The following ZFP90 variants were observed in gnomAD, a reference collection of about 807,000 sequenced individuals.
ZFP90 encodes the protein zinc finger protein 90 homolog.
Under a neutral mutation model 60.8 loss-of-function variants are expected in ZFP90, and 38 were observed. That is an observed-to-expected ratio of 0.62 (90% CI 0.48 to 0.82). The LOEUF is 0.82. Ranked by LOEUF, ZFP90 falls within the 40% of genes least tolerant of loss-of-function variation. ZFP90 has a pLI of 0.00. For missense variants in ZFP90, 711 were observed against 759.1 expected (o/e 0.94, Z 0.74); for synonymous variants, 287 against 264.8 (o/e 1.08, Z -0.82).
intron 4 of ZFP90, among the ~76,000 whole-genome samples, chr16:68,561,133 A>G (rs965749696): frequency 1.7e-4 from 25 of 149,482 alleles, no homozygotes; most frequent in African/African-American, 5.9e-4. Flanking sequence ...GAGCTCAGGC[A>G]ATGTGCCCAC....
chr16:68,567,590 T>G (rs1031059289), downstream of ZFP90, among the ~76,000 whole-genome samples: 1 of 152,176 alleles, frequency 6.6e-6, no homozygotes, highest in Non-Finnish European at 1.5e-5. Flanking sequence ...GAACCTGATT[T>G]CTTACCAGAG....
chr16:68,545,859 C>T (rs145463573), intron 2 of ZFP90, among the ~76,000 whole-genome samples: 217 of 151,834 alleles, frequency 1.4e-3, no homozygotes, highest in African/African-American at 5.0e-3. Context: ...CTTACTTTTC[C>T]GTGTTGTATT....
intron 1 of ZFP90, 25 bp from the exon 2 acceptor site, chr16:68,539,733 A>T: frequency 1.3e-6 from 2 of 1,517,080 alleles, no homozygotes; most frequent in Non-Finnish European, 1.8e-6. Flanking sequence ...CAGCGGGGTG[A>T]GTGGGCCCTG....
Position 68,548,193 on chromosome 16 carries a change from G to A in ZFP90, c.33+8368G>A, listed in dbSNP as rs948674087. ...GCCACCAGAGAGAAAGCACTCTCTT[G>A]GATGGGTTTTGGTGTCATGCTTATC... On this transcript the variant is annotated intron_variant, in intron 2 of 4. Coordinates refer to ENST00000563169, the MANE Select transcript of ZFP90 (RefSeq NM_001305203.2). 2.0e-5 allele frequency among the ~76,000 whole-genome samples: 3 copies of A among 152,232 alleles called. No individual in the cohort carries two copies. In the East Asian group the frequency reaches 5.8e-4, roughly 29 times the overall value.
At chr16:68,536,647 A>AGAGGG (rs1491402368), upstream of ZFP90, among the ~76,000 whole-genome samples, 1 of 152,106 alleles carries the variant, frequency 6.6e-6, no homozygotes, top group Non-Finnish European at 1.5e-5. Flanking sequence ...GCCTGGGAAA[A>AGAGGG]GAGGGGTGGC....
chr16:68,540,684 C>G (rs1032861646), intron 2 of ZFP90, among the ~76,000 whole-genome samples: 4 of 151,808 alleles, frequency 2.6e-5, no homozygotes, highest in African/African-American at 9.7e-5. Context: ...AATAAAAATA[C>G]CAAGTTGCCA....
chr16:68,568,769 C>G (rs1259850743), downstream of ZFP90, among the ~76,000 whole-genome samples: 1 of 152,000 alleles, frequency 6.6e-6, no homozygotes, highest in African/African-American at 2.4e-5. Flanking sequence ...GCCTCCACCT[C>G]CCAGGTTCAA....
Position 68,565,557 on chromosome 16 carries a change from T to TA in ZFP90, c.*860dup, listed in dbSNP as rs1422121594. On this transcript the variant is annotated 3_prime_UTR_variant, in exon 5 of 5. Coordinates refer to ENST00000563169, the MANE Select transcript of ZFP90 (RefSeq NM_001305203.2). ...GTGACTTTTTTCCCCTTTTCCCAGT[T>TA]ACAATTATACTTTCAGCTAACATAT... 4.1e-6 allele frequency: 4 copies of TA among 985,476 alleles called. No individual in the cohort carries two copies. In the African/African-American group the frequency reaches 7.0e-5, roughly 17 times the overall value. 61.0% of individuals were successfully genotyped at this position (985,476 alleles called of 1,614,324 possible). A position where few individuals can be genotyped will look rare whatever the true frequency, so the allele number is the denominator to read the frequency against.
intron 2 of ZFP90, among the ~76,000 whole-genome samples, chr16:68,550,337 G>A (rs775533013): frequency 1.4e-4 from 21 of 152,276 alleles, no homozygotes; most frequent in Non-Finnish European, 2.6e-4. Context: ...TTGGCTCACT[G>A]TAACCTCCGC....
At chr16:68,560,967 T>G (rs1381473819) in intron 4 of ZFP90, among the ~76,000 whole-genome samples, 1 of 151,700 alleles carries the variant, frequency 6.6e-6, no homozygotes, top group Non-Finnish European at 1.5e-5. Flanking sequence ...TGATCTCGTC[T>G]CACTGCAACC....
At chr16:68,562,812 C>T in intron 4 of ZFP90, 1 of 867,282 alleles carries the variant, frequency 1.2e-6, no homozygotes. Flanking sequence ...TCTAACCAAC[C>T]CTCCTAGATG....
chr16:68,548,857 A>G (rs999411336), intron 2 of ZFP90, among the ~76,000 whole-genome samples: 1 of 152,042 alleles, frequency 6.6e-6, no homozygotes, highest in African/African-American at 2.4e-5. Flanking sequence ...AGGTTTTTCT[A>G]TTTGGCTGGT....
chr16:68,564,202 A>G lies in ZFP90; in HGVS notation c.1415A>G (p.His472Arg), dbSNP rs752232528. The change falls in exon 5 of 5, where the codon CAT (histidine) becomes CGT (arginine). Residue 472 changes from histidine to arginine, a missense_variant. Coordinates refer to ENST00000563169, the MANE Select transcript of ZFP90 (RefSeq NM_001305203.2). ...GACTTTACTGACCATCAGAGGATCC[A>G]TACTGCAGAGAACCCCTATGATTGT... ...ITDFTDHQRI[H>R]TAENPYDCEQ... 13 of 1,614,134 alleles carry G rather than the reference A, an allele frequency of 8.1e-6. No homozygotes were observed. The highest frequency in any genetic ancestry group is 1.1e-5 in the Non-Finnish European group (13 of 1,180,018).
At chr16:68,562,132 A>C (rs1441261457) in intron 4 of ZFP90, 1 of 152,194 alleles carries the variant, frequency 6.6e-6, no homozygotes, top group East Asian at 1.9e-4. Context: ...TATGTCGTTA[A>C]CTAGAATTCA....
Position 68,539,419 on chromosome 16 carries a change from C to T in ZFP90, c.-96C>T, listed in dbSNP as rs535919317. 12 of 319,576 alleles carry T rather than the reference C, an allele frequency of 3.8e-5. No homozygotes were observed. The highest frequency in any genetic ancestry group is 5.2e-5 in the Non-Finnish European group (9 of 174,114). 19.8% of individuals were successfully genotyped at this position (319,576 alleles called of 1,614,324 possible). A position where few individuals can be genotyped will look rare whatever the true frequency, so the allele number is the denominator to read the frequency against. The stretch of plus-strand genomic sequence containing the variant: ...TTCGGCGGGGGCGGGAGGAGCTGCC[C>T]GAGGCTCTGGGTGGGCCGGAGGTCG... On this transcript the variant is annotated 5_prime_UTR_variant, in exon 1 of 5. Coordinates refer to ENST00000563169, the MANE Select transcript of ZFP90 (RefSeq NM_001305203.2).
chr16:68,539,611 G>A (rs999022780), intron 1 of ZFP90, 132 bp downstream of exon 1: 22 of 612,942 alleles, frequency 3.6e-5, no homozygotes, highest in Non-Finnish European at 5.1e-5. Flanking sequence ...TCATTTCGGG[G>A]ATGGGGAGCG....
At chr16:68,533,737 A>G (rs1454790934) in exon 2 of ZFP90, 1 of 152,010 alleles carries the variant, frequency 6.6e-6, no homozygotes, top group African/African-American at 2.4e-5. Flanking sequence ...CAATGGTGCA[A>G]TGTCAGCTTA....
rs778349931 is a variant in ZFP90, at chr16:68,558,551, A to G, written c.239A>G (p.Gln80Arg). ...EEPWISEGEI[Q>R]RPFYPDWKTR... ...CCATGGATATCAGAGGGAGAAATCC[A>G]ACGACCTTTCTATCCAGGTAAATGA... The change falls in exon 4 of 5, where the codon CAA becomes CGA. Residue 80 changes from glutamine (Q) to arginine (R), a missense_variant. By Grantham distance (43) the Gln-to-Arg change is conservative. Transcript: ENST00000563169. The G allele has an allele frequency of 8.7e-6, 14 of 1,613,966 alleles. No individual in the cohort carries two copies. Among genetic ancestry groups the G allele is most frequent in the Middle Eastern group, 1.6e-4 (1 of 6,062 alleles).
intron 1 of ZFP90, chr16:68,533,588 G>GT (rs2090941409): frequency 6.6e-6 from 1 of 152,030 alleles, no homozygotes; most frequent in Non-Finnish European, 1.5e-5. Flanking sequence ...TCTGTTTTTT[G>GT]TTTTTCCAAA....
Sources: gnomAD v4.1 joint callset for allele counts (sites outside exome capture counted in the v4.1 genomes callset) on GRCh38, gnomAD v4.1.1 for gene constraint, MANE v1.5 for transcripts, NCBI Gene and HGNC (gene_info 2026-07-23, HGNC 2026-07-21) for gene names.